The following NOTCH3 variants were observed in gnomAD, a reference collection of about 807,000 sequenced individuals.
NOTCH3 encodes the protein neurogenic locus notch homolog protein 3.
A neutral mutation model predicts 213.3 loss-of-function variants in NOTCH3; 86 were observed. The observed-to-expected ratio is 0.40, with a 90% confidence interval of 0.34 to 0.48. The LOEUF (loss-of-function observed/expected upper bound fraction) is 0.48. NOTCH3 is among the 20% of genes least tolerant of loss of function. The pLI is 0.57. For missense variants in NOTCH3, 2,783 were observed against 3,272.6 expected (o/e 0.85, Z 3.65); for synonymous variants, 1,354 against 1,355.9 (o/e 1.00, Z 0.03).
chr19:15,160,500 G>A lies in NOTCH3; in HGVS notation c.*162C>T, dbSNP rs1599358458. ...TAAATAAAGGAAGACTGAAGCCCTG[G>A]GCTGATGACCTATCTCGGTCACGCT... is the stretch of plus-strand genomic sequence containing the variant. On this transcript the variant is annotated 3_prime_UTR_variant, in exon 33 of 33. Transcript: ENST00000263388. 5 of 721,178 alleles carry A rather than the reference G, an allele frequency of 6.9e-6. No individual in the cohort carries two copies. The highest frequency in any genetic ancestry group is 1.3e-5 in the Non-Finnish European group (5 of 397,156). 44.7% of individuals were successfully genotyped at this position (721,178 alleles called of 1,614,324 possible).
Position 15,161,431 on chromosome 19 carries a change from G to T in NOTCH3, c.6197C>A (p.Pro2066His). Residue 2066 changes from proline (P) to histidine (H), a missense_variant, in exon 33 of 33, where the codon CCC becomes CAC. Physicochemically the swap from Pro to His is moderately conservative, Grantham distance 77 (BLOSUM62 -2). Coordinates refer to ENST00000263388, the MANE Select transcript of NOTCH3 (RefSeq NM_000435.3). Reference protein sequence around the residue: ...AQSGSKKSRRPPGKAGLGPQG... With the variant: ...AQSGSKKSRRHPGKAGLGPQG... ...CGGCCCCAGCCCCGCCTTCCCGGGG[G>T]GCCTCCTGCTCTTCTTGGACCCCGA... 1 of 1,537,356 alleles carries T rather than the reference G, an allele frequency of 6.5e-7. No homozygotes were observed. The highest frequency in any genetic ancestry group is 1.4e-5 in the African/African-American group (1 of 72,874).
chr19:15,188,285 C>G lies in NOTCH3; in HGVS notation c.1442G>C (p.Gly481Ala). The change falls in exon 9 of 33, where the codon GGT (glycine) becomes GCT (alanine). Residue 481 changes from glycine to alanine, a missense_variant. Gly to Ala is a moderately conservative substitution (Grantham distance 60, BLOSUM62 0). Transcript: ENST00000263388. Reference protein sequence around the residue: ...DECQSSPCVNGGVCKDRVNGF... With the variant: ...DECQSSPCVNAGVCKDRVNGF... ...ATTGACTCGGTCCTTGCAGACCCCA[C>G]CGTTGACACAGGGGCTACTCTGACA... The G allele has an allele frequency of 6.2e-7, 1 of 1,607,628 alleles. No individual in the cohort carries two copies. Among genetic ancestry groups the G allele is most frequent in the Non-Finnish European group, 8.5e-7 (1 of 1,176,968 alleles).
chr19:15,197,441 G>GGGGCCGC, intron 2 of NOTCH3, 59 bp downstream of exon 2: 1 of 768,364 alleles, frequency 1.3e-6, no homozygotes, highest in Non-Finnish European at 2.3e-6. Flanking sequence ...AAGACAAATC[G>GGGGCCGC]CCCCTCCCCC....
intron 19 of NOTCH3, 113 bp from the exon 20 acceptor site, chr19:15,180,369 C>T (rs1297916118): frequency 4.2e-6 from 5 of 1,180,296 alleles, no homozygotes; most frequent in Non-Finnish European, 4.9e-6. Context: ...GGATCGCACC[C>T]ACACTCCATC....
intron 20 of NOTCH3, among the ~76,000 whole-genome samples, chr19:15,179,852 G>C (rs979970921): frequency 6.6e-6 from 1 of 151,930 alleles, no homozygotes. Flanking sequence ...CACTGCACTC[G>C]TCTGGGTGAC....
chr19:15,193,719 C>G (rs2046947515), intron 2 of NOTCH3, among the ~76,000 whole-genome samples: 1 of 144,388 alleles, frequency 6.9e-6, no homozygotes, highest in Non-Finnish European at 1.5e-5. Flanking sequence ...TGCAGTGAGC[C>G]GAAATTGCAC....
At chr19:15,184,553 CA>C in intron 15 of NOTCH3, 103 bp from the exon 16 acceptor site, 3 of 1,107,838 alleles carry the variant, frequency 2.7e-6, no homozygotes, top group Non-Finnish European at 2.7e-6. Flanking sequence ...TGGGTGAAGG[CA>C]AAATAAGCCG....
intron 25 of NOTCH3, among the ~76,000 whole-genome samples, chr19:15,171,670 ATTGT>A (rs1438585627): frequency 3.3e-5 from 5 of 152,094 alleles, no homozygotes; most frequent in African/African-American, 9.6e-5. Context: ...GCCAAGGGAC[ATTGT>A]TTGTTTTTTG....
At chr19:15,197,441 G>GGGCCC in intron 2 of NOTCH3, 59 bp downstream of exon 2, 23 of 768,298 alleles carry the variant, frequency 3.0e-5, no homozygotes, top group Middle Eastern at 5.6e-4. Flanking sequence ...AAGACAAATC[G>GGGCCC]CCCCTCCCCC....
chr19:15,183,857 C>T (rs1164575151), intron 16 of NOTCH3, among the ~76,000 whole-genome samples: 4 of 151,672 alleles, frequency 2.6e-5, no homozygotes, highest in African/African-American at 7.3e-5. Flanking sequence ...TGGAGACCAC[C>T]GTGGGCAACA....
chr19:15,196,753 C>T (rs2046973100), intron 2 of NOTCH3, among the ~76,000 whole-genome samples: 1 of 152,064 alleles, frequency 6.6e-6, no homozygotes, highest in South Asian at 2.1e-4. Flanking sequence ...TGAGTGCATA[C>T]AGGAGTTATT....
intron 23 of NOTCH3, 52 bp from the exon 24 acceptor site, chr19:15,178,142 G>C (rs1300633896): frequency 2.6e-6 from 3 of 1,152,362 alleles, no homozygotes; most frequent in East Asian, 2.8e-5. Context: ...GGGGAGTGGA[G>C]GGAAGGAGGA....
At chr19:15,175,947 C>T (rs2046786549) in intron 24 of NOTCH3, among the ~76,000 whole-genome samples, 1 of 150,804 alleles carries the variant, frequency 6.6e-6, no homozygotes, top group South Asian at 2.1e-4. Flanking sequence ...CAGAGAGGTA[C>T]GCAGAGGACA....
chr19:15,192,611 A>G, intron 2 of NOTCH3, 92 bp from the exon 3 acceptor site: 1 of 1,498,934 alleles, frequency 6.7e-7, no homozygotes, highest in Non-Finnish European at 9.0e-7. Context: ...CACGCAGGGA[A>G]ACAGAGCAGC....
intron 2 of NOTCH3, among the ~76,000 whole-genome samples, chr19:15,195,806 C>T (rs911305810): frequency 2.0e-5 from 3 of 151,550 alleles, no homozygotes; most frequent in Admixed American, 1.3e-4. Context: ...CCTCCCGACG[C>T]CCCGGGCGGG....
At chr19:15,193,260 G>A (rs968983767) in intron 2 of NOTCH3, among the ~76,000 whole-genome samples, 17 of 150,618 alleles carry the variant, frequency 1.1e-4, no homozygotes, top group Non-Finnish European at 1.9e-4. Context: ...TTTAAGAGAC[G>A]GAGTCTTGCT....
At chr19:15,194,932 G>A (rs1419015873) in intron 2 of NOTCH3, among the ~76,000 whole-genome samples, 1 of 147,286 alleles carries the variant, frequency 6.8e-6, no homozygotes, top group Non-Finnish European at 1.5e-5. Context: ...ACTCCAGCCT[G>A]GGCAACAAGA....
chr19:15,186,375 T>TTGTGTGTG (rs1309435774), intron 12 of NOTCH3, among the ~76,000 whole-genome samples: 1 of 123,206 alleles, frequency 8.1e-6, no homozygotes. Context: ...TTGTTTGTTT[T>TTGTGTGTG]TGTATGTGTG....
At chr19:15,197,441 G>GGGGCGGCC in intron 2 of NOTCH3, 59 bp downstream of exon 2, 1 of 768,364 alleles carries the variant, frequency 1.3e-6, no homozygotes. Flanking sequence ...AAGACAAATC[G>GGGGCGGCC]CCCCTCCCCC....
Sources: allele counts gnomAD v4.1 joint callset (sites outside exome capture counted in the v4.1 genomes callset), GRCh38; gene constraint gnomAD v4.1.1; transcripts MANE v1.5; gene names NCBI Gene and HGNC (gene_info 2026-07-23, HGNC 2026-07-21).